Variants in TENM4 observed in about 807,000 individuals in gnomAD.
TENM4 encodes the protein teneurin transmembrane protein 4.
TENM4 carries 82 observed loss-of-function variants against 243.3 expected under a neutral mutation model. The ratio of observed to expected loss-of-function variants is 0.34; its 90% CI spans 0.28 to 0.40. TENM4 has a LOEUF of 0.40. TENM4 is among the 10% of genes least tolerant of loss of function. TENM4 has a pLI of 1.00. For missense variants in TENM4, 3,138 were observed against 3,673.3 expected (o/e 0.85, Z 3.77); for synonymous variants, 1,412 against 1,456.3 (o/e 0.97, Z 0.69).
chr11:79,397,563 G>C (rs1293894414), intron 1 of TENM4, among the ~76,000 whole-genome samples: 1 of 152,176 alleles, frequency 6.6e-6, no homozygotes, highest in Non-Finnish European at 1.5e-5. Context: ...TTACAGGCCA[G>C]AGGTAACTGC....
At chr11:78,661,263 A>G (rs1361437891) in intron 33 of TENM4, among the ~76,000 whole-genome samples, 186 bp downstream of exon 33, 2 of 152,224 alleles carry the variant, frequency 1.3e-5, no homozygotes, top group African/African-American at 2.4e-5. Context: ...GTGTGTGGTC[A>G]TGGCTGCGTC....
intron 1 of TENM4, among the ~76,000 whole-genome samples, chr11:79,416,882 A>AG (rs1455290694): frequency 6.6e-6 from 1 of 151,888 alleles, no homozygotes; most frequent in African/African-American, 2.4e-5. Context: ...AATGGCAAAA[A>AG]AAAAAGAAAA....
chr11:78,671,989 C>G, intron 31 of TENM4, 44 bp downstream of exon 31: 1 of 1,575,184 alleles, frequency 6.3e-7, no homozygotes. Context: ...AATGATTGGC[C>G]TTCTGTATGG....
chr11:78,972,981 G>T (rs570120306), intron 6 of TENM4, among the ~76,000 whole-genome samples: 2 of 152,150 alleles, frequency 1.3e-5, no homozygotes, highest in South Asian at 2.1e-4. Context: ...TTTCTCAAGG[G>T]TTCATCCAAA....
At chr11:79,045,121 A>G (rs1265870588) in intron 6 of TENM4, among the ~76,000 whole-genome samples, 1 of 152,146 alleles carries the variant, frequency 6.6e-6, no homozygotes, top group African/African-American at 2.4e-5. Context: ...CAAGTCTATG[A>G]CGATTTTAGC....
chr11:78,857,797 G>C (rs1858714427), intron 10 of TENM4, among the ~76,000 whole-genome samples: 1 of 152,224 alleles, frequency 6.6e-6, no homozygotes, highest in Non-Finnish European at 1.5e-5. Context: ...ACAATGCATT[G>C]AGATGGAAGA....
chr11:78,792,942 G>T (rs1565381108), intron 15 of TENM4, among the ~76,000 whole-genome samples: 1 of 152,154 alleles, frequency 6.6e-6, no homozygotes, highest in Non-Finnish European at 1.5e-5. Flanking sequence ...GTGGAAGGGG[G>T]TGAACACACG....
chr11:79,327,037 A>G (rs1382724491), intron 1 of TENM4, among the ~76,000 whole-genome samples: 2 of 152,220 alleles, frequency 1.3e-5, no homozygotes, highest in African/African-American at 2.4e-5. Context: ...TCAATTAAAT[A>G]TATGGTTTGC....
chr11:79,386,459 C>T (rs952205822), intron 1 of TENM4, among the ~76,000 whole-genome samples: 20 of 152,008 alleles, frequency 1.3e-4, no homozygotes, highest in Non-Finnish European at 1.6e-4. Context: ...AATGACACCA[C>T]TGAGATAATA....
In TENM4 at chr11:78,805,418, C is replaced by G. The variant is rs1369578266; in HGVS notation, c.2053G>C (p.Gly685Arg). The G allele has an allele frequency of 6.2e-7, 1 of 1,603,616 alleles. No homozygotes were observed. The highest frequency in any genetic ancestry group is 8.5e-7 in the Non-Finnish European group (1 of 1,175,212). ...CTGGGGGTCTCGCAGTTGGTGCCTCCCCATCCCACAGAGCAGTGGCATTCG... is the reference window on the plus strand; with the variant it reads ...CTGGGGGTCTCGCAGTTGGTGCCTCGCCATCCCACAGAGCAGTGGCATTCG... ...RGECHCSVGW[G>R]GTNCETPRAT... The change falls in exon 15 of 34, where the codon GGA (glycine) becomes CGA (arginine). Residue 685 changes from glycine (G) to arginine (R), a missense_variant. Physicochemically the swap from Gly to Arg is moderately radical, Grantham distance 125 (BLOSUM62 -2). Around this residue, in one of 2 missense-constraint regions of TENM4, gnomAD observed 2,467 missense variants for 3,059.1 expected, o/e 0.81. Coordinates refer to ENST00000278550, the MANE Select transcript of TENM4 (RefSeq NM_001098816.3).
At chr11:79,019,256 A>G (rs554827177) in intron 6 of TENM4, among the ~76,000 whole-genome samples, 5 of 152,330 alleles carry the variant, frequency 3.3e-5, no homozygotes, top group African/African-American at 1.2e-4. Flanking sequence ...AGAGGACGGC[A>G]GCAAGGCAGA....
At chr11:78,872,732 G>C (rs1183216642) in intron 9 of TENM4, among the ~76,000 whole-genome samples, 1 of 152,196 alleles carries the variant, frequency 6.6e-6, no homozygotes, top group African/African-American at 2.4e-5. Flanking sequence ...TTGTTGCTAT[G>C]CTCCATTTCC....
chr11:78,982,512 G>A (rs927017725), intron 6 of TENM4, among the ~76,000 whole-genome samples: 4 of 152,010 alleles, frequency 2.6e-5, no homozygotes, highest in Admixed American at 6.6e-5. Context: ...CAGTGAGTCC[G>A]GGAATCACAG....
In TENM4 at chr11:79,342,481, C is replaced by T. The variant is rs539136041; in HGVS notation, c.-320-44938G>A. On this transcript the variant is annotated intron_variant, in intron 1 of 33. Coordinates refer to ENST00000278550, the MANE Select transcript of TENM4 (RefSeq NM_001098816.3). ...GGAGGGATGGTGGCTGGGAGTACAG[C>T]GGGCCACACAGAAATAAGGAACTGC... Among the ~76,000 whole-genome samples the T allele has an allele frequency of 3.3e-5, 5 of 152,204 alleles. No individual in the cohort carries two copies. The East Asian group carries it at 5.8e-4, about 18-fold the overall frequency.
intron 3 of TENM4, among the ~76,000 whole-genome samples, chr11:79,210,437 A>G (rs1052394832): frequency 7.2e-5 from 11 of 152,204 alleles, no homozygotes; most frequent in African/African-American, 2.4e-4. Flanking sequence ...TTTTCCAAGA[A>G]CTGAAAAATA....
At chr11:78,926,814 G>A (rs904444175) in intron 6 of TENM4, among the ~76,000 whole-genome samples, 1 of 151,984 alleles carries the variant, frequency 6.6e-6, no homozygotes, top group Non-Finnish European at 1.5e-5. Context: ...GTTTTCTAAT[G>A]TGGTGAACAC....
At chr11:79,197,355 A>ATTTTTT (rs1565245686) in intron 3 of TENM4, among the ~76,000 whole-genome samples, 12 of 145,268 alleles carry the variant, frequency 8.3e-5, no homozygotes, top group East Asian at 3.9e-4. Flanking sequence ...TTTTTTTTTA[A>ATTTTTT]AAAGCCCCTG....
intron 3 of TENM4, among the ~76,000 whole-genome samples, chr11:79,199,396 A>G (rs1044737702): frequency 1.3e-5 from 2 of 152,254 alleles, no homozygotes; most frequent in Non-Finnish European, 2.9e-5. Flanking sequence ...TCTGCAAGAT[A>G]AGAATAATAA....
intron 3 of TENM4, among the ~76,000 whole-genome samples, chr11:79,152,258 C>T (rs1022392995): frequency 1.1e-4 from 16 of 152,158 alleles, no homozygotes; most frequent in Admixed American, 7.9e-4. Flanking sequence ...CCATGTTTGG[C>T]TACATTCTAC....
Sources: allele counts gnomAD v4.1 joint callset (sites outside exome capture counted in the v4.1 genomes callset), GRCh38; gene constraint gnomAD v4.1.1; regional missense constraint gnomAD v4.1.1; transcripts MANE v1.5; gene names NCBI Gene and HGNC (gene_info 2026-07-23, HGNC 2026-07-21).